Variants in SLC18B1 observed in about 807,000 individuals in gnomAD.
SLC18B1 encodes MFS-type transporter SLC18B1.
Under a neutral mutation model 53.9 loss-of-function variants are expected in SLC18B1, and 62 were observed. That is an observed-to-expected ratio of 1.15 (90% confidence interval 0.94 to 1.42). The LOEUF is 1.42. SLC18B1 is among the 40% of genes most tolerant of loss of function. The pLI is 0.00. For missense variants in SLC18B1, 598 were observed against 547.3 expected, an observed-to-expected ratio of 1.09 and a Z score of -0.93; for synonymous variants, 217 against 200.9, an observed-to-expected ratio of 1.08 and a Z score of -0.68.
rs184586003 is a variant in SLC18B1, at chr6:132,792,280, A to G, written c.184-2008T>C. Among the ~76,000 whole-genome samples the G allele has an allele frequency of 2.0e-3, 84 of 42,670 alleles. 1 individual carries two copies. Among genetic ancestry groups the G allele is most frequent in the Non-Finnish European group, 3.1e-3 (66 of 21,398 alleles). 28.0% of individuals were successfully genotyped at this position (42,670 alleles called of 152,430 possible). A position where few individuals can be genotyped will look rare whatever the true frequency, so the allele number is the denominator to read the frequency against. On this transcript the variant is annotated intron_variant, in intron 2 of 13. Coordinates refer to ENST00000275227, the MANE Select transcript of SLC18B1 (RefSeq NM_052831.3). ...GAAAGAAAGAAAGAAAGAAAGAAAG[A>G]AAGGAAGAAAGGAAGGAAGGAAGGA...
intron 6 of SLC18B1, among the ~76,000 whole-genome samples, chr6:132,780,796 G>A (rs538660216): frequency 1.4e-4 from 21 of 152,034 alleles, no homozygotes; most frequent in Non-Finnish European, 2.5e-4. Flanking sequence ...TCCTGACCTC[G>A]TGATCCACCT....
intron 4 of SLC18B1, 86 bp from the exon 5 acceptor site, chr6:132,787,667 A>T: frequency 4.2e-6 from 5 of 1,181,998 alleles, no homozygotes; most frequent in Non-Finnish European, 5.6e-6. Context: ...TAAAAAGAAT[A>T]GTACCTCACT....
chr6:132,792,028 G>C (rs1240827718), intron 2 of SLC18B1, among the ~76,000 whole-genome samples: 1 of 151,720 alleles, frequency 6.6e-6, no homozygotes, highest in East Asian at 1.9e-4. Flanking sequence ...AGGAGTTTGA[G>C]ACCAGCCTGG....
chr6:132,790,157 C>T lies in SLC18B1; in HGVS notation c.279+20G>A, dbSNP rs914553636. 6.7e-6 allele frequency: 10 copies of T among 1,500,290 alleles called. No homozygotes were observed. The highest frequency in any genetic ancestry group is 9.0e-6 in the Non-Finnish European group (10 of 1,111,310). 92.9% of individuals were successfully genotyped at this position (1,500,290 alleles called of 1,614,324 possible). A position where few individuals can be genotyped will look rare whatever the true frequency, so the allele number is the denominator to read the frequency against. On this transcript the variant is annotated intron_variant, in intron 3 of 13. Transcript: ENST00000275227. The stretch of plus-strand genomic sequence containing the variant: ...TATAATTTTTAAAAATTAAGATGTG[C>T]ATATGAACTTTATACTTACATAGTT...
intron 6 of SLC18B1, among the ~76,000 whole-genome samples, chr6:132,781,636 A>G (rs909689028): frequency 3.3e-5 from 5 of 151,914 alleles, no homozygotes; most frequent in Non-Finnish European, 7.4e-5. Context: ...GCAGGCCTGT[A>G]ATCCCACCTA....
chr6:132,776,516 C>T (rs756971849), intron 7 of SLC18B1, 87 bp from the exon 8 acceptor site: 1 of 900,224 alleles, frequency 1.1e-6, no homozygotes, highest in Non-Finnish European at 1.7e-6. Context: ...TTCTTTAGCT[C>T]TTATTACCAT....
chr6:132,793,378 C>T (rs1190096288), intron 2 of SLC18B1, among the ~76,000 whole-genome samples: 1 of 152,206 alleles, frequency 6.6e-6, no homozygotes, highest in African/African-American at 2.4e-5. Context: ...ATATTTACAG[C>T]TTTTAAAGTT....
chr6:132,785,285 G>A (rs907711415), intron 5 of SLC18B1, among the ~76,000 whole-genome samples: 62 of 152,090 alleles, frequency 4.1e-4, no homozygotes, highest in African/African-American at 1.5e-3. Flanking sequence ...GTTATATGTA[G>A]AATATATTTA....
intron 3 of SLC18B1, 69 bp downstream of exon 3, chr6:132,790,108 C>T (rs1781485600): frequency 8.6e-7 from 1 of 1,161,828 alleles, no homozygotes; most frequent in Non-Finnish European, 1.2e-6. Context: ...AAATTCTAGA[C>T]TAGTAAACGA....
intron 1 of SLC18B1, among the ~76,000 whole-genome samples, chr6:132,797,566 C>G (rs1781728654): frequency 6.6e-6 from 1 of 152,134 alleles, no homozygotes; most frequent in Non-Finnish European, 1.5e-5. Flanking sequence ...CCACTGCACT[C>G]CAGCCTGGGC....
intron 9 of SLC18B1, among the ~76,000 whole-genome samples, 170 bp from the exon 10 acceptor site, chr6:132,773,258 C>T (rs1181498254): frequency 1.7e-5 from 2 of 119,920 alleles, no homozygotes; most frequent in Admixed American, 2.6e-4. Context: ...TTAGAGTGTC[C>T]TTTAGCTCCT....
At chr6:132,783,544 C>T (rs971576539) in intron 6 of SLC18B1, among the ~76,000 whole-genome samples, 7 of 152,186 alleles carry the variant, frequency 4.6e-5, no homozygotes, top group African/African-American at 1.4e-4. Flanking sequence ...ATCTGAGCTA[C>T]GCTGTGAGGA....
Position 132,787,490 on chromosome 6 carries a change from T to G in SLC18B1, c.445A>C (p.Thr149Pro), listed in dbSNP as rs1781405940. The change falls in exon 5 of 14, where the codon ACT becomes CCT. Residue 149 changes from threonine to proline, a missense_variant. Transcript: ENST00000275227. Reference sequence around the variant, plus strand: ...TTTGCCAGGATAGAAGAAGATGCAGTCATTGCTGCAGCAAAGCTAACTGCA... The same window carrying G: ...TTTGCCAGGATAGAAGAAGATGCAGGCATTGCTGCAGCAAAGCTAACTGCA... ...MDAVSFAAAM[T>P]ASSSILAKAF... 1 of 1,608,766 alleles carries G rather than the reference T, an allele frequency of 6.2e-7. No homozygotes were observed. Among genetic ancestry groups the G allele is most frequent in the African/African-American group, 1.3e-5 (1 of 74,452 alleles).
chr6:132,788,023 T>A (rs970570867), intron 4 of SLC18B1, among the ~76,000 whole-genome samples: 1 of 151,856 alleles, frequency 6.6e-6, no homozygotes, highest in Non-Finnish European at 1.5e-5. Flanking sequence ...TAGCCAGGTG[T>A]GGTGGTGGCC....
intron 4 of SLC18B1, among the ~76,000 whole-genome samples, chr6:132,788,202 C>T (rs999293251): frequency 4.6e-5 from 7 of 151,034 alleles, no homozygotes; most frequent in Non-Finnish European, 8.9e-5. Context: ...AAAGAAAACA[C>T]ATAGCAATAA....
intron 2 of SLC18B1, among the ~76,000 whole-genome samples, chr6:132,791,293 G>A (rs911351717): frequency 6.6e-6 from 1 of 152,126 alleles, no homozygotes; most frequent in East Asian, 1.9e-4. Context: ...TTGGATTTTC[G>A]CAAATAACTT....
At chr6:132,796,113 C>G (rs538591253) in intron 2 of SLC18B1, among the ~76,000 whole-genome samples, 1 of 151,702 alleles carries the variant, frequency 6.6e-6, no homozygotes, top group African/African-American at 2.4e-5. Flanking sequence ...CTTCGGGAGG[C>G]GGAGGCGGGC....
chr6:132,778,144 G>A (rs886346810), intron 7 of SLC18B1, among the ~76,000 whole-genome samples: 2 of 152,178 alleles, frequency 1.3e-5, no homozygotes, highest in African/African-American at 2.4e-5. Context: ...CATTGTCCAG[G>A]GGAGGAATGT....
chr6:132,771,176 T>C (rs1174131881), intron 11 of SLC18B1, 47 bp from the exon 12 acceptor site: 1 of 1,511,344 alleles, frequency 6.6e-7, no homozygotes, highest in South Asian at 1.1e-5. Context: ...AAAAAATAAA[T>C]AATTACTTCA....
Sources: gnomAD v4.1 joint callset for allele counts (sites outside exome capture counted in the v4.1 genomes callset) on GRCh38, gnomAD v4.1.1 for gene constraint, MANE v1.5 for transcripts, NCBI Gene and HGNC (gene_info 2026-07-23, HGNC 2026-07-21) for gene names.